The following GPATCH2 variants were observed in gnomAD, a reference collection of about 807,000 sequenced individuals.
The protein encoded by GPATCH2 is G patch domain-containing protein 2.
A neutral mutation model predicts 58.0 loss-of-function variants in GPATCH2; 51 were observed. The ratio of observed to expected loss-of-function variants is 0.88; its 90% CI spans 0.70 to 1.11. The LOEUF (loss-of-function observed/expected upper bound fraction) is 1.11. GPATCH2 is among the 50% of genes most tolerant of loss of function. The pLI is 0.00. For missense variants in GPATCH2, 625 were observed against 652.2 expected, an observed-to-expected ratio of 0.96 and a Z score of 0.45; for synonymous variants, 222 against 218.5, an observed-to-expected ratio of 1.02 and a Z score of -0.14.
chr1:217,605,857 T>C (rs1306032697), intron 5 of GPATCH2, among the ~76,000 whole-genome samples: 2 of 152,162 alleles, frequency 1.3e-5, no homozygotes, highest in Non-Finnish European at 2.9e-5. Context: ...TTCTGAGAAA[T>C]ATTATTCTGA....
chr1:217,539,535 A>T (rs1451076445), intron 5 of GPATCH2, among the ~76,000 whole-genome samples: 1 of 152,194 alleles, frequency 6.6e-6, no homozygotes, highest in African/African-American at 2.4e-5. Flanking sequence ...CAGCACTCCC[A>T]ATCAGTGCTG....
At position 217,431,274 on chromosome 1, in the gene GPATCH2, A is replaced by G. The variant is rs1256858469; in HGVS notation, c.1458T>C (p.Leu486=). 1.9e-6 allele frequency: 3 copies of G among 1,607,162 alleles called. No homozygotes were observed. Among genetic ancestry groups the G allele is most frequent in the Non-Finnish European group, 2.6e-6 (3 of 1,173,678 alleles). The change falls in exon 10 of 10, where the codon CTT becomes CTC. Residue 486 remains leucine, a synonymous_variant. Coordinates refer to ENST00000366935, the MANE Select transcript of GPATCH2 (RefSeq NM_018040.5). ...CAGAGATCCCCTTGCCATCTCGTCC[A>G]AGGCCTGACCCAGGCGTCCAGCCCA... ...QNMGWTPGSG[L]GRDGKGISEP... is the part of the protein sequence containing the mutation.
At chr1:217,584,162 GA>G (rs1000880578) in intron 5 of GPATCH2, among the ~76,000 whole-genome samples, 4 of 151,312 alleles carry the variant, frequency 2.6e-5, no homozygotes, top group African/African-American at 9.7e-5. Context: ...TAAAAGACTG[GA>G]AATCAAGACA....
intron 6 of GPATCH2, 191 bp from the exon 7 acceptor site, chr1:217,498,586 C>G: frequency 3.3e-6 from 2 of 601,692 alleles, no homozygotes; most frequent in Non-Finnish European, 5.9e-6. Context: ...TGCTCATAAC[C>G]TGGTAATTTT....
At chr1:217,441,955 C>T (rs1204628533) in intron 9 of GPATCH2, among the ~76,000 whole-genome samples, 1 of 152,074 alleles carries the variant, frequency 6.6e-6, no homozygotes, top group East Asian at 1.9e-4. Flanking sequence ...GGATCTAGAA[C>T]CAGAAATACC....
intron 5 of GPATCH2, among the ~76,000 whole-genome samples, chr1:217,524,303 G>C (rs1488958521): frequency 3.4e-5 from 5 of 148,236 alleles, no homozygotes; most frequent in South Asian, 2.1e-4. Flanking sequence ...TAGATGGGAT[G>C]GCGGCTGGGA....
At chr1:217,548,432 A>C (rs1665178959) in intron 5 of GPATCH2, among the ~76,000 whole-genome samples, 1 of 152,258 alleles carries the variant, frequency 6.6e-6, no homozygotes, top group South Asian at 2.1e-4. Flanking sequence ...CTTTTTGATT[A>C]CATGTGCTAC....
chr1:217,463,584 T>C (rs959332573), intron 8 of GPATCH2, among the ~76,000 whole-genome samples: 1 of 135,866 alleles, frequency 7.4e-6, no homozygotes, highest in Admixed American at 7.9e-5. Context: ...ATGGGAGGAC[T>C]GCCTGAGGCC....
chr1:217,547,579 T>G (rs1263028871), intron 5 of GPATCH2, among the ~76,000 whole-genome samples: 1 of 152,200 alleles, frequency 6.6e-6, no homozygotes, highest in Non-Finnish European at 1.5e-5. Flanking sequence ...ATGCGTATGT[T>G]CACTGCAGCA....
At chr1:217,584,142 T>C (rs1667208333) in intron 5 of GPATCH2, among the ~76,000 whole-genome samples, 1 of 151,404 alleles carries the variant, frequency 6.6e-6, no homozygotes, top group Non-Finnish European at 1.5e-5. Context: ...AATTTATAGG[T>C]TGACAAAACT....
chr1:217,494,100 T>A (rs913988735), intron 7 of GPATCH2, among the ~76,000 whole-genome samples: 1 of 152,222 alleles, frequency 6.6e-6, no homozygotes, highest in Non-Finnish European at 1.5e-5. Flanking sequence ...GATAGCACCC[T>A]CTCTGAACGT....
At chr1:217,602,506 A>T (rs1668154708) in intron 5 of GPATCH2, among the ~76,000 whole-genome samples, 1 of 152,212 alleles carries the variant, frequency 6.6e-6, no homozygotes, top group South Asian at 2.1e-4. Flanking sequence ...TATAAGAAAT[A>T]CAGAGGATAT....
At chr1:217,454,220 CA>C (rs1237147635) in intron 8 of GPATCH2, among the ~76,000 whole-genome samples, 1 of 152,102 alleles carries the variant, frequency 6.6e-6, no homozygotes, top group Non-Finnish European at 1.5e-5. Context: ...CTTTAGTACC[CA>C]AACGCACAAT....
At chr1:217,457,203 G>C (rs1198892427) in intron 8 of GPATCH2, among the ~76,000 whole-genome samples, 1 of 152,132 alleles carries the variant, frequency 6.6e-6, no homozygotes, top group Non-Finnish European at 1.5e-5. Context: ...GGTTTGATTT[G>C]CATTTGGGAT....
intron 5 of GPATCH2, among the ~76,000 whole-genome samples, chr1:217,584,508 G>A (rs946497953): frequency 1.3e-5 from 2 of 151,422 alleles, no homozygotes; most frequent in East Asian, 1.9e-4. Context: ...CAGCTTGGGC[G>A]AAAGAGTGAG....
chr1:217,607,934 T>TAAA (rs1668440099), intron 5 of GPATCH2, among the ~76,000 whole-genome samples: 1 of 152,160 alleles, frequency 6.6e-6, no homozygotes, highest in African/African-American at 2.4e-5. Context: ...CTCCATGTGT[T>TAAA]TTACTTTGCT....
chr1:217,568,537 TAGTC>T (rs758089534), intron 5 of GPATCH2, among the ~76,000 whole-genome samples: 4 of 152,120 alleles, frequency 2.6e-5, no homozygotes, highest in African/African-American at 9.7e-5. Flanking sequence ...AGTTTTTAAA[TAGTC>T]AGAGAATGCC....
intron 5 of GPATCH2, among the ~76,000 whole-genome samples, chr1:217,557,880 G>A (rs1297215503): frequency 2.0e-5 from 3 of 152,068 alleles, no homozygotes; most frequent in East Asian, 1.9e-4. Context: ...CCATCATACC[G>A]TAAAATAAGC....
At chr1:217,478,572 TAC>T (rs886182936) in intron 8 of GPATCH2, among the ~76,000 whole-genome samples, 1 of 151,814 alleles carries the variant, frequency 6.6e-6, no homozygotes, top group Non-Finnish European at 1.5e-5. Flanking sequence ...AGGCTAAAAA[TAC>T]ACAGTCAGAA....
Sources: allele counts gnomAD v4.1 joint callset (sites outside exome capture counted in the v4.1 genomes callset), GRCh38; gene constraint gnomAD v4.1.1; transcripts MANE v1.5; gene names NCBI Gene and HGNC (gene_info 2026-07-23, HGNC 2026-07-21).